MED15: variants seen among roughly 807,000 people sequenced by gnomAD.
MED15 encodes the protein mediator complex subunit 15, also known as mediator of RNA polymerase II transcription subunit 15.
Under a neutral mutation model 118.7 loss-of-function variants are expected in MED15, and 41 were observed. The observed-to-expected ratio is 0.35, with a 90% CI of 0.27 to 0.45. MED15 has a LOEUF of 0.45. Among genes scored for constraint, MED15 ranks in the 20% least tolerant of loss-of-function variants. The probability of loss-of-function intolerance (pLI) is 1.00; values close to 1 mark genes in which losing one functional copy is unlikely to be tolerated. For synonymous variants in MED15, 436 were observed against 413.9 expected (o/e 1.05, Z -0.65); for missense variants, 740 against 1,025.5 (o/e 0.72, Z 3.80).
chr22:20,556,548 C>T (rs2056015164), intron 5 of MED15, among the ~76,000 whole-genome samples: 1 of 152,172 alleles, frequency 6.6e-6, no homozygotes, highest in Non-Finnish European at 1.5e-5. Context: ...GATCTTCTCT[C>T]CTGAGCCTCC....
intron 9 of MED15, among the ~76,000 whole-genome samples, chr22:20,575,705 C>T (rs2146642428): frequency 6.6e-6 from 1 of 150,902 alleles, no homozygotes; most frequent in South Asian, 2.1e-4. Flanking sequence ...CATACTATCT[C>T]CAATTAATTA....
chr22:20,533,658 C>T (rs1272052986), intron 1 of MED15, among the ~76,000 whole-genome samples: 2 of 152,174 alleles, frequency 1.3e-5, no homozygotes, highest in Non-Finnish European at 2.9e-5. Context: ...TACCCCAACT[C>T]GGTTTCCTGG....
chr22:20,535,759 C>T (rs1240114425), intron 1 of MED15, among the ~76,000 whole-genome samples: 1 of 151,788 alleles, frequency 6.6e-6, no homozygotes, highest in Non-Finnish European at 1.5e-5. Context: ...CAGGGTTTCA[C>T]TGTGTTAGCC....
chr22:20,546,948 T>C (rs753988187), intron 2 of MED15, among the ~76,000 whole-genome samples: 2 of 152,192 alleles, frequency 1.3e-5, no homozygotes, highest in Non-Finnish European at 2.9e-5. Context: ...TGAACAGAAC[T>C]AAGAAAAAAC....
At chr22:20,573,208 T>G (rs1456266220) in intron 8 of MED15, among the ~76,000 whole-genome samples, 2 of 152,238 alleles carry the variant, frequency 1.3e-5, no homozygotes, top group Non-Finnish European at 2.9e-5. Flanking sequence ...CCTTAAGAGA[T>G]GTGCCCGCTT....
chr22:20,540,924 C>T lies in MED15; in HGVS notation c.156+3720C>T, dbSNP rs1024624208. Among the ~76,000 whole-genome samples, 3 of 146,640 alleles carry T rather than the reference C, an allele frequency of 2.0e-5. No homozygotes were observed. The South Asian group carries it at 6.6e-4, about 32-fold the overall frequency. Reference sequence around the variant, plus strand: ...CAACAACAACAACAACAACAAAAAGCAACTAAAAAATAGGCAAAATACAGC... The same window carrying T: ...CAACAACAACAACAACAACAAAAAGTAACTAAAAAATAGGCAAAATACAGC... On this transcript the variant is annotated intron_variant, in intron 2 of 17. Transcript: ENST00000263205.
At chr22:20,585,901 C>A in intron 17 of MED15, 75 bp downstream of exon 17, 2 of 1,380,656 alleles carry the variant, frequency 1.4e-6, no homozygotes, top group Non-Finnish European at 2.0e-6. Flanking sequence ...GCTTCCACTG[C>A]AGCAGGGACA....
At chr22:20,548,159 G>GT (rs2055627700) in intron 2 of MED15, among the ~76,000 whole-genome samples, 1 of 134,690 alleles carries the variant, frequency 7.4e-6, no homozygotes, top group African/African-American at 2.5e-5. Context: ...TGTTTTTTTT[G>GT]TTTTTTGTTT....
chr22:20,565,698 C>G (rs1379004236), intron 6 of MED15, among the ~76,000 whole-genome samples: 2 of 152,236 alleles, frequency 1.3e-5, no homozygotes, highest in Non-Finnish European at 2.9e-5. Flanking sequence ...TGCTGACAAG[C>G]AGACCTTGAC....
intron 5 of MED15, among the ~76,000 whole-genome samples, chr22:20,558,862 A>G (rs941854569): frequency 3.3e-5 from 5 of 152,246 alleles, no homozygotes; most frequent in African/African-American, 1.2e-4. Flanking sequence ...TCAAGCAATC[A>G]GCATACAAAG....
intron 9 of MED15, 44 bp from the exon 10 acceptor site, chr22:20,582,567 G>A: frequency 6.5e-7 from 1 of 1,535,572 alleles, no homozygotes; most frequent in Middle Eastern, 1.8e-4. Context: ...GAGGCAGGCG[G>A]GCGGGCGTGT....
At chr22:20,553,345 C>G (rs2055864836) in intron 4 of MED15, among the ~76,000 whole-genome samples, 171 bp downstream of exon 4, 1 of 151,976 alleles carries the variant, frequency 6.6e-6, no homozygotes, top group African/African-American at 2.4e-5. Context: ...ACCTCTCCAG[C>G]CTTCGTCTTC....
intron 2 of MED15, among the ~76,000 whole-genome samples, chr22:20,543,776 T>C (rs996448356): frequency 1.3e-5 from 2 of 151,944 alleles, no homozygotes; most frequent in African/African-American, 4.8e-5. Flanking sequence ...CAGGCTGGTC[T>C]TGAACTCCTG....
intron 1 of MED15, chr22:20,524,513 C>T (rs2054565150): frequency 6.6e-6 from 1 of 152,306 alleles, no homozygotes; most frequent in Non-Finnish European, 1.5e-5. Flanking sequence ...GGAGGAACTG[C>T]TTTGCCTGTG....
At position 20,552,968 on chromosome 22, in the gene MED15, C is replaced by T. The variant is rs572998819; in HGVS notation, c.209-177C>T. 19 of 597,136 alleles carry T rather than the reference C, an allele frequency of 3.2e-5. No homozygotes were observed. In the Admixed American group the frequency reaches 3.9e-4, roughly 12 times the overall value. 37.0% of individuals were successfully genotyped at this position (597,136 alleles called of 1,614,324 possible). ...TACTCTGCACCCTCTGCCCCCAGGTCTCTTGTGGGGTCAGCGCTGCCAAGA... is the reference window on the plus strand; with the variant it reads ...TACTCTGCACCCTCTGCCCCCAGGTTTCTTGTGGGGTCAGCGCTGCCAAGA... On this transcript the variant is annotated intron_variant, in intron 3 of 17. Transcript: ENST00000263205.
chr22:20,539,651 T>C (rs2146457653), intron 2 of MED15, among the ~76,000 whole-genome samples: 1 of 152,364 alleles, frequency 6.6e-6, no homozygotes, highest in Admixed American at 6.5e-5. Context: ...TTTTGAGGAA[T>C]TGCCAGATGT....
chr22:20,537,274 C>T (rs1406216011), intron 2 of MED15, 70 bp downstream of exon 2: 2 of 1,394,610 alleles, frequency 1.4e-6, no homozygotes, highest in African/African-American at 2.8e-5. Flanking sequence ...GACTCTGGAA[C>T]CCCTCTGTTG....
Position 20,555,116 on chromosome 22 carries a change from G to T in MED15, c.419G>T (p.Ser140Ile). 1 of 1,608,818 alleles carries T rather than the reference G, an allele frequency of 6.2e-7. No individual in the cohort carries two copies. The highest frequency in any genetic ancestry group is 8.5e-7 in the Non-Finnish European group (1 of 1,178,254). ...GGGACCTCGGGGATGGCCCCTCACA[G>T]CATGGCTGTCGTGTCTACGGCAACT... ...PPGTSGMAPH[S>I]MAVVSTATPQ... is the part of the protein sequence containing the mutation. Residue 140 changes from serine (S) to isoleucine (I), a missense_variant, in exon 5 of 18, where the codon AGC becomes ATC. Coordinates refer to ENST00000263205, the MANE Select transcript of MED15 (RefSeq NM_001003891.3).
intron 1 of MED15, among the ~76,000 whole-genome samples, chr22:20,513,970 C>T (rs1215015589): frequency 6.6e-6 from 1 of 152,088 alleles, no homozygotes; most frequent in African/African-American, 2.4e-5. Flanking sequence ...CTTAAGCGAT[C>T]CTCCCACCTC....
Sources: allele counts gnomAD v4.1 joint callset (sites outside exome capture counted in the v4.1 genomes callset), GRCh38; gene constraint gnomAD v4.1.1; transcripts MANE v1.5; gene names NCBI Gene and HGNC (gene_info 2026-07-23, HGNC 2026-07-21).